IMMP2L: variants seen among roughly 807,000 people sequenced by gnomAD.
The protein encoded by IMMP2L is mitochondrial inner membrane protease subunit 2.
IMMP2L carries 18 observed loss-of-function variants against 19.3 expected under a neutral mutation model. That is an observed-to-expected ratio of 0.93 (90% confidence interval 0.64 to 1.38). The LOEUF is 1.38. IMMP2L is among the 40% of genes most tolerant of loss of function. IMMP2L has a pLI of 0.00. For missense variants in IMMP2L, 233 were observed against 218.2 expected, an observed-to-expected ratio of 1.07 and a Z score of -0.43; for synonymous variants, 76 against 73.0, an observed-to-expected ratio of 1.04 and a Z score of -0.21.
At chr7:111,100,591 C>A (rs1301226726) in intron 3 of IMMP2L, among the ~76,000 whole-genome samples, 1 of 150,712 alleles carries the variant, frequency 6.6e-6, no homozygotes, top group Non-Finnish European at 1.5e-5. Flanking sequence ...TATAATTCAA[C>A]TAATCTAAAA....
At chr7:111,156,448 A>C (rs1423015225) in intron 3 of IMMP2L, among the ~76,000 whole-genome samples, 1 of 152,028 alleles carries the variant, frequency 6.6e-6, no homozygotes, top group Non-Finnish European at 1.5e-5. Flanking sequence ...CTCCAACTTT[A>C]TTCTTCTTTT....
chr7:111,525,696 C>T (rs1240687271), intron 1 of IMMP2L, among the ~76,000 whole-genome samples: 1 of 152,020 alleles, frequency 6.6e-6, no homozygotes, highest in East Asian at 1.9e-4. Context: ...GTCAAGGGGC[C>T]GTGGTAGCCT....
intron 3 of IMMP2L, among the ~76,000 whole-genome samples, chr7:111,089,041 T>C (rs1796588659): frequency 6.6e-6 from 1 of 152,174 alleles, no homozygotes; most frequent in Non-Finnish European, 1.5e-5. Flanking sequence ...GTACCTACAT[T>C]AAAAGGACAA....
chr7:110,961,745 T>C (rs1818966543), intron 4 of IMMP2L, among the ~76,000 whole-genome samples: 1 of 151,766 alleles, frequency 6.6e-6, no homozygotes, highest in African/African-American at 2.4e-5. Context: ...AATAAACTAA[T>C]AACATGCACA....
intron 3 of IMMP2L, among the ~76,000 whole-genome samples, chr7:111,012,071 C>T (rs1585738866): frequency 6.6e-6 from 1 of 151,710 alleles, no homozygotes; most frequent in Non-Finnish European, 1.5e-5. Context: ...TTATGGAGTT[C>T]GAGTGGGAAA....
intron 3 of IMMP2L, among the ~76,000 whole-genome samples, chr7:111,265,444 G>T (rs932717320): frequency 6.6e-6 from 1 of 152,122 alleles, no homozygotes; most frequent in African/African-American, 2.4e-5. Context: ...GTGATAATTT[G>T]TCAGGAGCTG....
chr7:110,921,473 C>T (rs1814273805), intron 4 of IMMP2L, among the ~76,000 whole-genome samples: 1 of 152,278 alleles, frequency 6.6e-6, no homozygotes, highest in Admixed American at 6.5e-5. Flanking sequence ...TTGGACATAC[C>T]TCATTATTCC....
chr7:111,367,457 C>T (rs1584820757), intron 3 of IMMP2L, among the ~76,000 whole-genome samples: 1 of 148,156 alleles, frequency 6.7e-6, no homozygotes, highest in Non-Finnish European at 1.5e-5. Flanking sequence ...TTTGGTAGTA[C>T]TTGTTTCTCT....
intron 3 of IMMP2L, among the ~76,000 whole-genome samples, chr7:111,322,619 A>G (rs1824852185): frequency 6.6e-6 from 1 of 151,598 alleles, no homozygotes; most frequent in African/African-American, 2.4e-5. Flanking sequence ...TTAGAAATAT[A>G]CTAATATTAG....
chr7:111,445,365 C>A (rs1487277178), intron 3 of IMMP2L, among the ~76,000 whole-genome samples: 1 of 151,874 alleles, frequency 6.6e-6, no homozygotes, highest in Non-Finnish European at 1.5e-5. Flanking sequence ...TCCTTCCTAG[C>A]AATTTATTCC....
intron 1 of IMMP2L, among the ~76,000 whole-genome samples, chr7:111,524,644 T>C (rs772853213): frequency 5.3e-5 from 8 of 152,158 alleles, no homozygotes; most frequent in Non-Finnish European, 1.0e-4. Flanking sequence ...GTCAGCTGTT[T>C]ACTCACTCCT....
intron 3 of IMMP2L, among the ~76,000 whole-genome samples, chr7:111,106,103 T>C (rs529276268): frequency 3.3e-4 from 50 of 152,060 alleles, no homozygotes; most frequent in African/African-American, 1.1e-3. Flanking sequence ...CAGAGGACCT[T>C]AGAACATATA....
chr7:110,715,214 G>T (rs573984658), intron 5 of IMMP2L, among the ~76,000 whole-genome samples: 1 of 152,078 alleles, frequency 6.6e-6, no homozygotes, highest in East Asian at 1.9e-4. Context: ...TCCTTTTAAA[G>T]AACCAACTTT....
intron 3 of IMMP2L, among the ~76,000 whole-genome samples, chr7:111,478,617 A>G (rs1841921897): frequency 6.6e-6 from 1 of 151,840 alleles, no homozygotes; most frequent in African/African-American, 2.4e-5. Context: ...AGACCAGGGA[A>G]GTCTTGCTAT....
chr7:110,901,303 A>T (rs1811837960), intron 4 of IMMP2L, among the ~76,000 whole-genome samples: 1 of 152,186 alleles, frequency 6.6e-6, no homozygotes, highest in Non-Finnish European at 1.5e-5. Context: ...ATACATATTC[A>T]ATAAATATAT....
At chr7:111,231,047 T>C (rs1007730602) in intron 3 of IMMP2L, among the ~76,000 whole-genome samples, 1 of 151,610 alleles carries the variant, frequency 6.6e-6, no homozygotes, top group African/African-American at 2.4e-5. Context: ...TGTGTGTGTG[T>C]GTGTGTGTAC....
At chr7:110,820,070 TAAA>T (rs1802888974) in intron 5 of IMMP2L, among the ~76,000 whole-genome samples, 1 of 152,034 alleles carries the variant, frequency 6.6e-6, no homozygotes, top group Non-Finnish European at 1.5e-5. Context: ...TGGCAGATGA[TAAA>T]AATCTAGGCT....
At chr7:110,978,302 T>C (rs1177419323) in intron 3 of IMMP2L, among the ~76,000 whole-genome samples, 1 of 152,046 alleles carries the variant, frequency 6.6e-6, no homozygotes, top group African/African-American at 2.4e-5. Flanking sequence ...TCTGACTTAA[T>C]TATGTTAATA....
At chr7:111,461,638 T>C (rs1376732979) in intron 3 of IMMP2L, among the ~76,000 whole-genome samples, 1 of 152,126 alleles carries the variant, frequency 6.6e-6, no homozygotes, top group African/African-American at 2.4e-5. Flanking sequence ...TATTGAGATA[T>C]GTTCCTGAGT....
Sources: gnomAD v4.1 joint callset for allele counts (sites outside exome capture counted in the v4.1 genomes callset) on GRCh38, gnomAD v4.1.1 for gene constraint, MANE v1.5 for transcripts, NCBI Gene and HGNC (gene_info 2026-07-23, HGNC 2026-07-21) for gene names.